KLF15: variants seen among roughly 807,000 people sequenced by gnomAD.
KLF15 encodes the protein KLF transcription factor 15.
Under a neutral mutation model 24.6 loss-of-function variants are expected in KLF15, and 4 were observed. The ratio of observed to expected loss-of-function variants is 0.16; its 90% CI spans 0.08 to 0.37. The LOEUF is 0.37. Ranked by LOEUF, KLF15 falls within the 10% of genes least tolerant of loss-of-function variation. The pLI is 1.00. For missense variants in KLF15, 496 were observed against 560.6 expected, an observed-to-expected ratio of 0.88 and a Z score of 1.16; for synonymous variants, 246 against 236.3, an observed-to-expected ratio of 1.04 and a Z score of -0.37.
At chr3:126,339,837 C>G (rs2082467155), downstream of KLF15, among the ~76,000 whole-genome samples, 1 of 152,238 alleles carries the variant, frequency 6.6e-6, no homozygotes, top group South Asian at 2.1e-4. Flanking sequence ...ACAGTGATGG[C>G]ATTGCAAGGG....
At chr3:126,305,802 A>G in the KLF15 span, among the ~76,000 whole-genome samples, 1 of 152,240 alleles carries the variant, frequency 6.6e-6, no homozygotes, top group Admixed American at 6.5e-5. Context: ...TGGATGTCTG[A>G]CCACAAACCC....
the KLF15 span, among the ~76,000 whole-genome samples, chr3:126,294,713 A>C: frequency 6.6e-6 from 1 of 152,068 alleles, no homozygotes; most frequent in Non-Finnish European, 1.5e-5. Flanking sequence ...AGCCTTGCAC[A>C]GGCTTTGGGG....
chr3:126,319,824 G>A, the KLF15 span, among the ~76,000 whole-genome samples: 2 of 152,140 alleles, frequency 1.3e-5, no homozygotes, highest in African/African-American at 4.8e-5. Flanking sequence ...ATGATCAACA[G>A]TCAAGCCCAC....
In KLF15 at chr3:126,356,407, G is replaced by C. The variant is rs796419134; in HGVS notation, c.-26+830C>G. The stretch of plus-strand genomic sequence containing the variant: ...CCTCCGTGAGAGGGGGGTTCCATGA[G>C]TAACACCAAGGCGGGGAGGGAAGAG... On this transcript the variant is annotated intron_variant, in intron 1 of 2. Coordinates refer to ENST00000296233, the MANE Select transcript of KLF15 (RefSeq NM_014079.4). The surrounding 1 kb of genome is among the most constrained non-coding windows in gnomAD (Gnocchi z 4.4). Among the ~76,000 whole-genome samples the C allele has an allele frequency of 2.6e-5, 4 of 152,274 alleles. No individual in the cohort carries two copies. The East Asian group carries it at 5.8e-4, about 22-fold the overall frequency.
chr3:126,323,130 T>C, the KLF15 span, among the ~76,000 whole-genome samples: 1 of 150,772 alleles, frequency 6.6e-6, no homozygotes, highest in African/African-American at 2.4e-5. Context: ...ATAGATAAGT[T>C]GCAAATATAA....
At chr3:126,308,446 A>AG in the KLF15 span, among the ~76,000 whole-genome samples, 28,793 of 152,166 alleles carry the variant, frequency 0.19, 5,437 homozygotes, top group African/African-American at 0.49. Flanking sequence ...GCTGGCCGCC[A>AG]GGGGACGACC....
the KLF15 span, among the ~76,000 whole-genome samples, chr3:126,310,177 A>G: frequency 6.6e-6 from 1 of 152,202 alleles, no homozygotes; most frequent in African/African-American, 2.4e-5. Flanking sequence ...CTCCTGGCCT[A>G]ATCACCTTGT....
the KLF15 span, among the ~76,000 whole-genome samples, chr3:126,290,506 A>ACCTTCCTTCCTTCCTTCCTTCCTACCTT: frequency 6.9e-6 from 1 of 144,604 alleles, no homozygotes; most frequent in African/African-American, 2.6e-5. Flanking sequence ...CTTCCTTCCT[A>ACCTTCCTTCCTTCCTTCCTTCCTACCTT]CCTTCCTTCC....
downstream of KLF15, among the ~76,000 whole-genome samples, chr3:126,341,181 G>C (rs2082477001): frequency 6.6e-6 from 1 of 152,154 alleles, no homozygotes; most frequent in Non-Finnish European, 1.5e-5. Context: ...TGCACCATAT[G>C]TGTGCACGTA....
At chr3:126,289,907 A>T in the KLF15 span, among the ~76,000 whole-genome samples, 1 of 152,200 alleles carries the variant, frequency 6.6e-6, no homozygotes, top group Non-Finnish European at 1.5e-5. Context: ...TAAAGGAAAA[A>T]GCCAGCTGGA....
At chr3:126,292,003 C>T in the KLF15 span, among the ~76,000 whole-genome samples, 1 of 152,246 alleles carries the variant, frequency 6.6e-6, no homozygotes, top group African/African-American at 2.4e-5. Context: ...TTCATTCCCT[C>T]CACACCCTAA....
At chr3:126,316,601 G>T in the KLF15 span, among the ~76,000 whole-genome samples, 4 of 151,380 alleles carry the variant, frequency 2.6e-5, no homozygotes, top group African/African-American at 9.7e-5. Flanking sequence ...TGGGGAGTGG[G>T]GAAGGGAGTG....
the KLF15 span, among the ~76,000 whole-genome samples, chr3:126,315,551 G>T: frequency 1.3e-5 from 2 of 152,190 alleles, no homozygotes; most frequent in Admixed American, 1.3e-4. Flanking sequence ...GAAGAGGGAA[G>T]TCAGGGGGGA....
the KLF15 span, among the ~76,000 whole-genome samples, chr3:126,323,403 TTATATATA>T: frequency 0.019 from 948 of 50,768 alleles, 94 homozygotes; most frequent in African/African-American, 0.081. Flanking sequence ...GCCCCAGTAG[TTATATATA>T]TATATATATA....
chr3:126,304,602 G>T, the KLF15 span, among the ~76,000 whole-genome samples: 2 of 152,176 alleles, frequency 1.3e-5, no homozygotes, highest in South Asian at 4.1e-4. Context: ...AAATGCTCTC[G>T]AGGCAATAAG....
chr3:126,319,275 C>A, the KLF15 span, among the ~76,000 whole-genome samples: 1 of 152,172 alleles, frequency 6.6e-6, no homozygotes, highest in Non-Finnish European at 1.5e-5. Flanking sequence ...TTTGTGTGGA[C>A]ATAAGTTTTC....
intron 1 of KLF15, among the ~76,000 whole-genome samples, chr3:126,355,557 T>C (rs1051798013): frequency 1.3e-5 from 2 of 152,232 alleles, no homozygotes; most frequent in African/African-American, 4.8e-5. Flanking sequence ...CATCATCCTA[T>C]ATTATACTCT....
chr3:126,290,241 A>G, the KLF15 span, among the ~76,000 whole-genome samples: 1 of 152,042 alleles, frequency 6.6e-6, no homozygotes, highest in East Asian at 1.9e-4. Context: ...AAGCTTCCCT[A>G]TAGCACATTC....
chr3:126,317,221 C>T, the KLF15 span, among the ~76,000 whole-genome samples: 8 of 152,266 alleles, frequency 5.3e-5, no homozygotes, highest in African/African-American at 1.9e-4. Flanking sequence ...CATGTCCCTC[C>T]AAAGATGTCT....
Sources: allele counts gnomAD v4.1 joint callset (sites outside exome capture counted in the v4.1 genomes callset), GRCh38; gene constraint gnomAD v4.1.1; non-coding constraint Gnocchi (gnomAD v3.1); transcripts MANE v1.5; gene names NCBI Gene and HGNC (gene_info 2026-07-23, HGNC 2026-07-21).